The following HS3ST4 variants were observed in gnomAD, a reference collection of about 807,000 sequenced individuals.
The protein encoded by HS3ST4 is heparan sulfate glucosamine 3-O-sulfotransferase 4.
A neutral mutation model predicts 29.2 loss-of-function variants in HS3ST4; 17 were observed. The ratio of observed to expected loss-of-function variants is 0.58; its 90% confidence interval spans 0.40 to 0.87. The LOEUF (loss-of-function observed/expected upper bound fraction) is 0.87. Among genes scored for constraint, HS3ST4 ranks in the 40% least tolerant of loss-of-function variants. The pLI, the probability that HS3ST4 is intolerant of heterozygous loss-of-function variation, is 0.00. For missense variants in HS3ST4, 627 were observed against 634.5 expected (o/e 0.99, Z 0.13); for synonymous variants, 314 against 285.7 (o/e 1.10, Z -1.00).
chr16:25,914,048 G>T (rs983642049), intron 1 of HS3ST4, among the ~76,000 whole-genome samples: 3 of 144,990 alleles, frequency 2.1e-5, no homozygotes, highest in Non-Finnish European at 4.5e-5. Context: ...ATGTGTGTGT[G>T]GGGTGTGTGT....
intron 1 of HS3ST4, among the ~76,000 whole-genome samples, chr16:25,770,882 T>C (rs778547672): frequency 2.0e-5 from 3 of 152,174 alleles, no homozygotes; most frequent in Non-Finnish European, 4.4e-5. Context: ...TATGACGTGT[T>C]GGGAACTGCG....
intron 1 of HS3ST4, among the ~76,000 whole-genome samples, chr16:25,833,383 A>G (rs1956853758): frequency 6.6e-6 from 1 of 152,106 alleles, no homozygotes; most frequent in Admixed American, 6.5e-5. Flanking sequence ...TGACAAGGTG[A>G]CTGGGATTAT....
At chr16:25,758,481 T>C (rs1489014879) in intron 1 of HS3ST4, among the ~76,000 whole-genome samples, 1 of 152,174 alleles carries the variant, frequency 6.6e-6, no homozygotes, top group East Asian at 1.9e-4. Flanking sequence ...CTTCTTTCCA[T>C]GTGGGTGTAA....
At chr16:25,963,969 G>A (rs781131692) in intron 1 of HS3ST4, among the ~76,000 whole-genome samples, 11 of 152,106 alleles carry the variant, frequency 7.2e-5, no homozygotes, top group Non-Finnish European at 1.2e-4. Context: ...TCAGGAGTTC[G>A]AGACCAGCCT....
chr16:25,752,484 G>A (rs142463752), intron 1 of HS3ST4, among the ~76,000 whole-genome samples: 3 of 152,140 alleles, frequency 2.0e-5, no homozygotes, highest in South Asian at 4.2e-4. Flanking sequence ...TTGACGGAAC[G>A]GATTATAGGC....
chr16:26,010,349 G>T (rs1220850343), intron 1 of HS3ST4, among the ~76,000 whole-genome samples: 1 of 152,124 alleles, frequency 6.6e-6, no homozygotes, highest in Non-Finnish European at 1.5e-5. Flanking sequence ...AGCTCCTGGG[G>T]AGGCTGAGGT....
intron 1 of HS3ST4, among the ~76,000 whole-genome samples, chr16:25,738,105 C>T (rs955768164): frequency 3.9e-5 from 6 of 152,066 alleles, no homozygotes; most frequent in South Asian, 2.1e-4. Context: ...GGGGTTTCAC[C>T]GTGTTAGCCA....
At chr16:25,924,206 T>C (rs1290067505) in intron 1 of HS3ST4, among the ~76,000 whole-genome samples, 1 of 152,218 alleles carries the variant, frequency 6.6e-6, no homozygotes, top group Non-Finnish European at 1.5e-5. Context: ...GAGCTGCTTG[T>C]TTCTTTATTC....
In HS3ST4 at chr16:25,812,455, A is replaced by G. The variant is rs1967050784; in HGVS notation, c.734+119304A>G. Among the ~76,000 whole-genome samples, 3 of 152,278 alleles carry G rather than the reference A, an allele frequency of 2.0e-5. No homozygotes were observed. In the South Asian group the frequency reaches 6.2e-4, roughly 32 times the overall value. On this transcript the variant is annotated intron_variant, in intron 1 of 1. Transcript: ENST00000331351. ...TCTTACTATTGCCTAATAGTCTTCT[A>G]GTCTTTTTTGGAAAGTTTATTTGAC...
chr16:25,848,824 G>T, intron 1 of HS3ST4, among the ~76,000 whole-genome samples: 1 of 150,510 alleles, frequency 6.6e-6, no homozygotes, highest in African/African-American at 2.4e-5. Context: ...TTTTTATTAT[G>T]GTTTTCATGG....
chr16:26,117,992 G>T (rs757250503), intron 1 of HS3ST4, among the ~76,000 whole-genome samples: 10 of 152,104 alleles, frequency 6.6e-5, no homozygotes, highest in Non-Finnish European at 1.3e-4. Context: ...TGCTAAAGAA[G>T]ATAAAACAAA....
chr16:26,072,112 G>C (rs574239939), intron 1 of HS3ST4, among the ~76,000 whole-genome samples: 1 of 152,144 alleles, frequency 6.6e-6, no homozygotes, highest in South Asian at 2.1e-4. Context: ...GTGAAACTTC[G>C]GCACCAGGAG....
chr16:25,996,296 T>G (rs892632656), intron 1 of HS3ST4, among the ~76,000 whole-genome samples: 4 of 152,198 alleles, frequency 2.6e-5, no homozygotes, highest in South Asian at 2.1e-4. Context: ...AGGGTAAAAC[T>G]GAGGACAAGT....
intron 1 of HS3ST4, among the ~76,000 whole-genome samples, chr16:25,888,113 A>G (rs572251669): frequency 6.6e-6 from 1 of 152,260 alleles, no homozygotes; most frequent in East Asian, 1.9e-4. Context: ...AGATGTGACT[A>G]ATTGCTTAAT....
At chr16:26,051,788 C>T (rs1898348607) in intron 1 of HS3ST4, among the ~76,000 whole-genome samples, 1 of 151,202 alleles carries the variant, frequency 6.6e-6, no homozygotes, top group African/African-American at 2.4e-5. Context: ...TTCTTTCTTT[C>T]TCTCTTTCTT....
At chr16:25,770,163 TC>T (rs1415735957) in intron 1 of HS3ST4, among the ~76,000 whole-genome samples, 2 of 152,220 alleles carry the variant, frequency 1.3e-5, no homozygotes, top group African/African-American at 4.8e-5. Flanking sequence ...AATATATTTC[TC>T]TGCTTTTTCT....
intron 1 of HS3ST4, among the ~76,000 whole-genome samples, chr16:26,002,802 G>A (rs1969223870): frequency 6.6e-6 from 1 of 150,386 alleles, no homozygotes; most frequent in Non-Finnish European, 1.5e-5. Flanking sequence ...AAAGAAAGAA[G>A]GAAAGAAAGA....
chr16:25,695,770 G>C (rs188886804), intron 1 of HS3ST4, among the ~76,000 whole-genome samples: 60 of 152,284 alleles, frequency 3.9e-4, no homozygotes, highest in African/African-American at 1.4e-3. Flanking sequence ...CTATTTGACT[G>C]ATTAGAGATC....
intron 1 of HS3ST4, among the ~76,000 whole-genome samples, chr16:25,753,985 G>T (rs957332621): frequency 6.6e-6 from 1 of 152,096 alleles, no homozygotes; most frequent in Non-Finnish European, 1.5e-5. Context: ...AATATACAAC[G>T]TAATTTAAGA....
Sources: allele counts gnomAD v4.1 joint callset (sites outside exome capture counted in the v4.1 genomes callset), GRCh38; gene constraint gnomAD v4.1.1; transcripts MANE v1.5; gene names NCBI Gene and HGNC (gene_info 2026-07-23, HGNC 2026-07-21).